The following CFHR1 variants were observed in gnomAD, a reference collection of about 807,000 sequenced individuals.
The protein encoded by CFHR1 is complement factor H related 1, also known as complement factor H-related protein 1.
CFHR1 carries 22 observed loss-of-function variants against 30.4 expected under a neutral mutation model. The ratio of observed to expected loss-of-function variants is 0.72; its 90% CI spans 0.52 to 1.03. The LOEUF is 1.03. Ranked by LOEUF, CFHR1 falls within the 50% of genes least tolerant of loss-of-function variation. The probability of loss-of-function intolerance (pLI) is 0.00; values close to 1 mark genes in which losing one functional copy is unlikely to be tolerated. For synonymous variants in CFHR1, 95 were observed against 129.1 expected, an observed-to-expected ratio of 0.74 and a Z score of 1.79; for missense variants, 248 against 380.6, an observed-to-expected ratio of 0.65 and a Z score of 2.90.
intron 5 of CFHR1, among the ~76,000 whole-genome samples, chr1:196,831,166 T>C (rs1655544975): frequency 7.3e-6 from 1 of 136,176 alleles, no homozygotes; most frequent in Admixed American, 7.0e-5. Flanking sequence ...TTTTTCTCTT[T>C]ATATTTATAT....
chr1:196,824,697 T>G (rs1403495634), intron 1 of CFHR1, among the ~76,000 whole-genome samples: 1 of 117,258 alleles, frequency 8.5e-6, no homozygotes, highest in South Asian at 3.0e-4. Flanking sequence ...TTCAAATATT[T>G]TTGATCTGCA....
rs759646723 is a variant in CFHR1 at position 196,831,954 on chromosome 1, A to G, written c.948A>G (p.Thr316=). The change falls in exon 6 of 6, where the codon ACA becomes ACG. Residue 316 remains threonine, a synonymous_variant. Transcript: ENST00000320493. ...LSSRSHTLRT[T]CWDGKLEYPT... ...CACGTTCTCACACATTGCGAACAAC[A>G]TGTTGGGATGGGAAACTGGAGTATC... The G allele has an allele frequency of 2.6e-6, 4 of 1,524,998 alleles. No homozygotes were observed. In the South Asian group the frequency reaches 5.0e-5, roughly 19 times the overall value. 94.5% of individuals were successfully genotyped at this position (1,524,998 alleles called of 1,614,324 possible).
At chr1:196,824,748 G>GTATGTATA (rs768468903) in intron 1 of CFHR1, among the ~76,000 whole-genome samples, 2 of 54,998 alleles carry the variant, frequency 3.6e-5, no homozygotes, top group Admixed American at 2.2e-4. Context: ...GGGGCTGACT[G>GTATGTATA]TATATATATA....
At position 196,822,354 on chromosome 1, in the gene CFHR1, A is replaced by C. The variant is rs1353230935; in HGVS notation, c.58+2452A>C. 1.7e-4 allele frequency among the ~76,000 whole-genome samples: 22 copies of C among 132,594 alleles called. 8 individuals are homozygous for C. Among genetic ancestry groups the C allele is most frequent in the Admixed American group, 1.5e-3 (21 of 13,650 alleles). The allele number at this position is 132,594 out of a possible 152,430, so 87.0% of individuals were successfully genotyped here. The stretch of plus-strand genomic sequence containing the variant: ...TATTTTAAACTTTTCTTCGATAATA[A>C]ATTAACCTTAGTTTATGTTAACCTT... On this transcript the variant is annotated intron_variant, in intron 1 of 5. Transcript: ENST00000320493.
At position 196,828,011 on chromosome 1, in the gene CFHR1, A is replaced by G. The variant is rs1254704640; in HGVS notation, c.431-59A>G. On this transcript the variant is annotated intron_variant, in intron 3 of 5. Coordinates refer to ENST00000320493, the MANE Select transcript of CFHR1 (RefSeq NM_002113.3). ...CTTGAAACATATTTGTAACTGTATT[A>G]GTTGATTTGCTACTCAAAATGAACA... is the stretch of plus-strand genomic sequence containing the variant. 12 of 1,412,972 alleles carry G rather than the reference A, an allele frequency of 8.5e-6. 1 individual carries two copies. Among genetic ancestry groups the G allele is most frequent in the Non-Finnish European group, 1.1e-5 (11 of 1,045,608 alleles). The allele number at this position is 1,412,972 out of a possible 1,614,324, so 87.5% of individuals were successfully genotyped here.
Position 196,826,925 on chromosome 1 carries a change from G to T in CFHR1, c.350G>T (p.Gly117Val). 6.6e-7 allele frequency: 1 copy of T among 1,525,356 alleles called. No individual in the cohort carries two copies. The highest frequency in any genetic ancestry group is 8.9e-7 in the Non-Finnish European group (1 of 1,129,494). 94.5% of individuals were successfully genotyped at this position (1,525,356 alleles called of 1,614,324 possible). A position where few individuals can be genotyped will look rare whatever the true frequency, so the allele number is the denominator to read the frequency against. Reference protein sequence around the residue: ...GDTVQIICNTGYRLQNNENNI... With the variant: ...GDTVQIICNTVYRLQNNENNI... ...ACTGTGCAAATTATTTGCAACACAG[G>T]ATACAGACTTCAAAACAATGAGAAC... Residue 117 changes from glycine to valine, a missense_variant, in exon 3 of 6, where the codon GGA becomes GTA. This residue lies in a region of CFHR1 where 121 missense variants were observed against 162.6 expected (regional missense o/e 0.74). Coordinates refer to ENST00000320493, the MANE Select transcript of CFHR1 (RefSeq NM_002113.3).
At position 196,832,054 on chromosome 1, in the gene CFHR1, T is replaced by C. The variant is rs397725358; in HGVS notation, c.*55T>C. ...AGAACTTTAGTATTAAATCAGTTCT[T>C]AATTTCATTTTTAAGTATTGTTTTA... On this transcript the variant is annotated 3_prime_UTR_variant, in exon 6 of 6. Transcript: ENST00000320493. 1.6e-5 allele frequency: 23 copies of C among 1,438,874 alleles called. 3 individuals are homozygous for C. Among genetic ancestry groups the C allele is most frequent in the Admixed American group, 5.3e-5 (3 of 56,776 alleles). The allele number at this position is 1,438,874 out of a possible 1,614,324, so 89.1% of individuals were successfully genotyped here.
At chr1:196,830,737 T>C in intron 5 of CFHR1, 55 bp downstream of exon 5, 1 of 1,502,048 alleles carries the variant, frequency 6.7e-7, no homozygotes, top group Non-Finnish European at 9.0e-7. Flanking sequence ...AGTCTGATAT[T>C]TTGCTGTTGG....
chr1:196,830,749 A>G (rs1655522976), intron 5 of CFHR1, 67 bp downstream of exon 5: 3 of 1,486,900 alleles, frequency 2.0e-6, no homozygotes, highest in Non-Finnish European at 2.7e-6. Flanking sequence ...TGCTGTTGGT[A>G]ACAAAATAAT....
rs1284860018 is a variant in CFHR1 at position 196,830,609 on chromosome 1, C to A, written c.717C>A (p.Asn239Lys). The change falls in exon 5 of 6, where the codon AAC (asparagine) becomes AAA (lysine). Residue 239 changes from asparagine to lysine, a missense_variant. Transcript: ENST00000320493. ...CATCAGTTGAGTACCAATGCCAGAA[C>A]TTGTATCAACTTGAGGGTAACAAGC... ...PASSVEYQCQ[N>K]LYQLEGNKRI... The A allele has an allele frequency of 6.6e-7, 1 of 1,524,010 alleles. No individual in the cohort carries two copies. Among genetic ancestry groups the A allele is most frequent in the East Asian group, 2.2e-5 (1 of 44,600 alleles). The allele number at this position is 1,524,010 out of a possible 1,614,324, so 94.4% of individuals were successfully genotyped here.
At chr1:196,825,825 A>C in intron 2 of CFHR1, 154 bp downstream of exon 2, 1 of 680,414 alleles carries the variant, frequency 1.5e-6, no homozygotes, top group Non-Finnish European at 2.4e-6. Context: ...GATGCCTCCT[A>C]TAAGAATCAA....
At chr1:196,826,697 G>A (rs551123797) in intron 2 of CFHR1, 132 bp from the exon 3 acceptor site, 4 of 851,256 alleles carry the variant, frequency 4.7e-6, no homozygotes, top group Middle Eastern at 4.2e-4. Flanking sequence ...TGATCCACTC[G>A]CCTCAGCCTC....
rs1486173851 is a variant in CFHR1, at chr1:196,830,407, T to C, written c.608-93T>C. 1.5e-6 allele frequency: 2 copies of C among 1,308,490 alleles called. 1 individual carries two copies. The highest frequency in any genetic ancestry group is 2.1e-6 in the Non-Finnish European group (2 of 938,092). The allele number at this position is 1,308,490 out of a possible 1,614,324, so 81.1% of individuals were successfully genotyped here. On this transcript the variant is annotated intron_variant, in intron 4 of 5. Transcript: ENST00000320493. ...ACCAGAAATCACAAAACTGTTGATA[T>C]TATATAAAGTGCTGTGTTTGTATTT...
rs1217180451 is a variant in CFHR1 at position 196,831,079 on chromosome 1, C to CCGAGTT, written c.790+400_790+405dup. Among the ~76,000 whole-genome samples the CCGAGTT allele has an allele frequency of 5.9e-5, 8 of 135,550 alleles. 1 individual carries two copies. The highest frequency in any genetic ancestry group is 3.9e-3 in the Middle Eastern group (1 of 256). The allele number at this position is 135,550 out of a possible 152,430, so 88.9% of individuals were successfully genotyped here. A position where few individuals can be genotyped will look rare whatever the true frequency, so the allele number is the denominator to read the frequency against. ...CCCGGGAGGCGGAGCTTGCAGTGAG[C>CCGAGTT]CGAGTTCGCGCCACTGCACTCCAGC... On this transcript the variant is annotated intron_variant, in intron 5 of 5. Coordinates refer to ENST00000320493, the MANE Select transcript of CFHR1 (RefSeq NM_002113.3).
chr1:196,831,131 C>A (rs1394815284), intron 5 of CFHR1, among the ~76,000 whole-genome samples: 1 of 134,756 alleles, frequency 7.4e-6, no homozygotes, highest in Non-Finnish European at 1.6e-5. Flanking sequence ...GACTCCGTCT[C>A]AATAAAAACA....
chr1:196,823,535 T>G (rs543525519), intron 1 of CFHR1, among the ~76,000 whole-genome samples: 1 of 135,440 alleles, frequency 7.4e-6, no homozygotes, highest in East Asian at 2.0e-4. Context: ...GATAATCAAT[T>G]TCAGGTTTCA....
In CFHR1 at chr1:196,830,506, C is replaced by T. The variant is rs138974133; in HGVS notation, c.614C>T (p.Thr205Met). Residue 205 changes from threonine to methionine, a missense_variant, in exon 5 of 6, where the codon ACG (threonine) becomes ATG (methionine). Coordinates refer to ENST00000320493, the MANE Select transcript of CFHR1 (RefSeq NM_002113.3). The part of the protein sequence containing the change: ...WTEPPQCKDS[T>M]GKCGPPPPID... ...ATGAAATGATGTTTTTTAGATTCTACGGGAAAATGTGGGCCCCCTCCACCT... is the reference window on the plus strand; with the variant it reads ...ATGAAATGATGTTTTTTAGATTCTATGGGAAAATGTGGGCCCCCTCCACCT... 3.8e-4 allele frequency: 579 copies of T among 1,524,990 alleles called. 159 individuals are homozygous for T. In the African/African-American group the frequency reaches 7.8e-3, roughly 20 times the overall value. 94.5% of individuals were successfully genotyped at this position (1,524,990 alleles called of 1,614,324 possible). A position where few individuals can be genotyped will look rare whatever the true frequency, so the allele number is the denominator to read the frequency against.
intron 1 of CFHR1, among the ~76,000 whole-genome samples, chr1:196,822,086 G>A (rs1655138950): frequency 7.5e-6 from 1 of 132,520 alleles, no homozygotes; most frequent in Admixed American, 7.3e-5. Context: ...CATGAATAGG[G>A]TGTGCAGGAC....
rs1229608783 is a variant in CFHR1, at chr1:196,830,876, C to T, written c.790+194C>T. On this transcript the variant is annotated intron_variant, in intron 5 of 5. Coordinates refer to ENST00000320493, the MANE Select transcript of CFHR1 (RefSeq NM_002113.3). Reference sequence around the variant, plus strand: ...GGTGTGGTGGCTCACACCTGTAATCCCAGCACTTTGGGAGGCCGAGGCGGG... The same window carrying T: ...GGTGTGGTGGCTCACACCTGTAATCTCAGCACTTTGGGAGGCCGAGGCGGG... 1.9e-4 allele frequency among the ~76,000 whole-genome samples: 26 copies of T among 134,640 alleles called. 7 individuals are homozygous for T. Among genetic ancestry groups the T allele is most frequent in the African/African-American group, 8.3e-4 (26 of 31,400 alleles). 88.3% of individuals were successfully genotyped at this position (134,640 alleles called of 152,430 possible).
Sources: allele counts gnomAD v4.1 joint callset (sites outside exome capture counted in the v4.1 genomes callset), GRCh38; gene constraint gnomAD v4.1.1; regional missense constraint gnomAD v4.1.1; transcripts MANE v1.5; gene names NCBI Gene and HGNC (gene_info 2026-07-23, HGNC 2026-07-21).